Variants in ANO2 observed in about 807,000 individuals in gnomAD.
The protein encoded by ANO2 is anoctamin-2.
ANO2 carries 101 observed loss-of-function variants against 124.2 expected under a neutral mutation model. That is an observed-to-expected ratio of 0.81 (90% CI 0.69 to 0.96). The LOEUF is 0.96. Ranked by LOEUF, ANO2 falls within the 40% of genes least tolerant of loss-of-function variation. ANO2 has a pLI of 0.00. For missense variants in ANO2, 1,293 were observed against 1,274.5 expected (o/e 1.01, Z -0.22); for synonymous variants, 486 against 482.5 (o/e 1.01, Z -0.09).
intron 14 of ANO2, among the ~76,000 whole-genome samples, chr12:5,675,427 T>C (rs998565281): frequency 4.6e-5 from 7 of 152,216 alleles, no homozygotes; most frequent in Admixed American, 3.9e-4. Flanking sequence ...CAGTCTCAGC[T>C]TAAATCAGGC....
At chr12:5,579,922 C>T (rs1224217725) in intron 20 of ANO2, among the ~76,000 whole-genome samples, 2 of 152,196 alleles carry the variant, frequency 1.3e-5, no homozygotes, top group African/African-American at 2.4e-5. Flanking sequence ...AAGCCCCATC[C>T]CTCCTCCTCT....
intron 14 of ANO2, among the ~76,000 whole-genome samples, chr12:5,716,715 AG>A (rs965403199): frequency 6.6e-6 from 1 of 152,226 alleles, no homozygotes; most frequent in Non-Finnish European, 1.5e-5. Context: ...AAATGTCTAC[AG>A]GCAACTGAAC....
In ANO2 at chr12:5,635,040, C is replaced by A; in HGVS notation, c.1816+112G>T. ...TCCCCATTTCTCTAATTAAAATGCACTGTACAAAGCATCCTGTCCCTGTCC... is the reference window on the plus strand; with the variant it reads ...TCCCCATTTCTCTAATTAAAATGCAATGTACAAAGCATCCTGTCCCTGTCC... On this transcript the variant is annotated intron_variant, in intron 16 of 24. Transcript: ENST00000682330. The surrounding 1 kb of genome is among the most constrained non-coding windows in gnomAD (Gnocchi z 5.2). The A allele has an allele frequency of 1.0e-6, 1 of 959,154 alleles. No individual in the cohort carries two copies. The highest frequency in any genetic ancestry group is 1.5e-6 in the Non-Finnish European group (1 of 685,356). 59.4% of individuals were successfully genotyped at this position (959,154 alleles called of 1,614,324 possible).
At chr12:5,945,432 G>T (rs1468897051), upstream of ANO2, among the ~76,000 whole-genome samples, 1 of 152,126 alleles carries the variant, frequency 6.6e-6, no homozygotes, top group Non-Finnish European at 1.5e-5. Flanking sequence ...TGCTGGGAGC[G>T]GGGCGTCGAG....
intron 5 of ANO2, among the ~76,000 whole-genome samples, chr12:5,831,312 A>C (rs1472630954): frequency 6.6e-6 from 1 of 152,232 alleles, no homozygotes; most frequent in East Asian, 1.9e-4. Flanking sequence ...GAAGAGCAGA[A>C]TATCCTTCAA....
rs187247187 is a variant in ANO2, at chr12:5,847,805, G to A, written c.633+6238C>T. On this transcript the variant is annotated intron_variant, in intron 4 of 24. Transcript: ENST00000682330. ...AACTGGAATTCTATCAGCTCAGTGT[G>A]GAAACACCAATTTTTTTCACACTGA... Among the ~76,000 whole-genome samples the A allele has an allele frequency of 2.0e-3, 312 of 152,282 alleles. 1 individual carries two copies. The highest frequency in any genetic ancestry group is 4.0e-3 in the Non-Finnish European group (274 of 68,028).
chr12:5,671,600 C>G (rs1223256269), intron 14 of ANO2, among the ~76,000 whole-genome samples: 1 of 152,048 alleles, frequency 6.6e-6, no homozygotes, highest in Non-Finnish European at 1.5e-5. Context: ...TTTTCTAAAG[C>G]CACCCTAGGG....
intron 14 of ANO2, among the ~76,000 whole-genome samples, chr12:5,651,225 G>A (rs1946901344): frequency 6.6e-6 from 1 of 152,178 alleles, no homozygotes; most frequent in African/African-American, 2.4e-5. Flanking sequence ...CTTGATGATG[G>A]CTCCCATTCT....
rs1942334820 is a variant in ANO2, at chr12:5,575,319, C to A, written c.2621+515G>T. Among the ~76,000 whole-genome samples, 2 of 152,192 alleles carry A rather than the reference C, an allele frequency of 1.3e-5. 1 individual carries two copies. ...TCCATAGTGTCTAGAAAAAGGCAGT[C>A]CATAAATATTTTTTGAGTCATCAAA... On this transcript the variant is annotated intron_variant, in intron 23 of 24. Coordinates refer to ENST00000682330, the MANE Select transcript of ANO2 (RefSeq NM_001364791.2).
At chr12:5,921,879 G>A (rs1401239300) in intron 2 of ANO2, among the ~76,000 whole-genome samples, 2 of 151,922 alleles carry the variant, frequency 1.3e-5, no homozygotes, top group East Asian at 1.9e-4. Context: ...GCCCACACAC[G>A]CTCACCTCCT....
At chr12:5,783,984 T>C (rs1047813013) in intron 10 of ANO2, among the ~76,000 whole-genome samples, 1 of 152,210 alleles carries the variant, frequency 6.6e-6, no homozygotes, top group Non-Finnish European at 1.5e-5. Context: ...AAAATCCTTC[T>C]ACATCACTTT....
chr12:5,827,429 T>C (rs1178621056), intron 7 of ANO2, among the ~76,000 whole-genome samples: 2 of 152,126 alleles, frequency 1.3e-5, no homozygotes, highest in African/African-American at 4.8e-5. Flanking sequence ...TCTTGGGTTA[T>C]TAGAAACTAT....
intron 1 of ANO2, among the ~76,000 whole-genome samples, chr12:5,923,328 C>G (rs536733100): frequency 2.1e-4 from 32 of 152,048 alleles, no homozygotes; most frequent in African/African-American, 7.5e-4. Flanking sequence ...CGGATCATGG[C>G]TGTCATAATC....
At chr12:5,754,717 T>C (rs1565643612) in intron 10 of ANO2, among the ~76,000 whole-genome samples, 1 of 152,184 alleles carries the variant, frequency 6.6e-6, no homozygotes, top group African/African-American at 2.4e-5. Flanking sequence ...GATTGTCCAA[T>C]TTGTTGGTGT....
At chr12:5,633,139 T>C (rs1487596407) in intron 16 of ANO2, among the ~76,000 whole-genome samples, 1 of 152,180 alleles carries the variant, frequency 6.6e-6, no homozygotes, top group Non-Finnish European at 1.5e-5. Context: ...TTTCTCCTCT[T>C]GGGTGAGAGA....
chr12:5,785,898 C>A (rs1436829002), intron 10 of ANO2, among the ~76,000 whole-genome samples: 8 of 152,190 alleles, frequency 5.3e-5, no homozygotes, highest in Non-Finnish European at 8.8e-5. Flanking sequence ...TCGTCCAGAG[C>A]TCCTTAAGTG....
At chr12:5,878,468 A>G (rs562312538) in intron 3 of ANO2, among the ~76,000 whole-genome samples, 2 of 152,230 alleles carry the variant, frequency 1.3e-5, no homozygotes, top group Non-Finnish European at 2.9e-5. Context: ...CTGGGTCATA[A>G]CAAGTATGTC....
chr12:5,594,392 T>C (rs980101971), intron 20 of ANO2, among the ~76,000 whole-genome samples: 5 of 152,222 alleles, frequency 3.3e-5, no homozygotes, highest in Non-Finnish European at 5.9e-5. Flanking sequence ...GCAAAGAGTA[T>C]ACAGTCACCA....
chr12:5,898,822 G>A (rs1383532232), intron 3 of ANO2, among the ~76,000 whole-genome samples: 1 of 152,188 alleles, frequency 6.6e-6, no homozygotes, highest in Non-Finnish European at 1.5e-5. Flanking sequence ...AGTTCCTCTA[G>A]TTTGTCCACT....
Sources: allele counts gnomAD v4.1 joint callset (sites outside exome capture counted in the v4.1 genomes callset), GRCh38; gene constraint gnomAD v4.1.1; non-coding constraint Gnocchi (gnomAD v3.1); transcripts MANE v1.5; gene names NCBI Gene and HGNC (gene_info 2026-07-23, HGNC 2026-07-21).